The following RABGAP1L variants were observed in gnomAD, a reference collection of about 807,000 sequenced individuals.
The protein encoded by RABGAP1L is RAB GTPase activating protein 1 like.
Under a neutral mutation model 137.7 loss-of-function variants are expected in RABGAP1L, and 63 were observed. The observed-to-expected ratio is 0.46, with a 90% CI of 0.37 to 0.56. RABGAP1L has a LOEUF of 0.56. Ranked by LOEUF, RABGAP1L falls within the 20% of genes least tolerant of loss-of-function variation. The probability of loss-of-function intolerance (pLI) is 0.00; values close to 1 mark genes in which losing one functional copy is unlikely to be tolerated. For synonymous variants in RABGAP1L, 431 were observed against 433.7 expected (o/e 0.99, Z 0.08); for missense variants, 1,095 against 1,244.0 (o/e 0.88, Z 1.80).
At chr1:174,792,860 C>T (rs772092094) in intron 18 of RABGAP1L, among the ~76,000 whole-genome samples, 2 of 152,114 alleles carry the variant, frequency 1.3e-5, no homozygotes, top group African/African-American at 2.4e-5. Context: ...CAGGCCAGTG[C>T]GGTGGCTCAC....
At chr1:174,781,683 G>A (rs1687020612) in intron 18 of RABGAP1L, among the ~76,000 whole-genome samples, 1 of 152,052 alleles carries the variant, frequency 6.6e-6, no homozygotes, top group Non-Finnish European at 1.5e-5. Flanking sequence ...TTTCTTCTAT[G>A]GTTTTTATGG....
intron 12 of RABGAP1L, among the ~76,000 whole-genome samples, chr1:174,390,223 C>T (rs187703917): frequency 5.2e-4 from 79 of 152,106 alleles, no homozygotes; most frequent in African/African-American, 1.7e-3. Flanking sequence ...ATGAGTGACC[C>T]AGTTCTTTTT....
intron 11 of RABGAP1L, among the ~76,000 whole-genome samples, chr1:174,356,032 G>T (rs1256721467): frequency 6.6e-6 from 1 of 152,154 alleles, no homozygotes; most frequent in Non-Finnish European, 1.5e-5. Context: ...AGAAACGAGA[G>T]ATTATATTGC....
At chr1:174,458,510 A>G (rs545571159) in intron 13 of RABGAP1L, among the ~76,000 whole-genome samples, 3 of 152,174 alleles carry the variant, frequency 2.0e-5, no homozygotes, top group Non-Finnish European at 2.9e-5. Context: ...TTTCTAGCAT[A>G]TGAATAAAAA....
chr1:174,976,139 A>T lies in RABGAP1L; in HGVS notation c.2606A>T (p.Glu869Val). Residue 869 changes from glutamate (E) to valine (V), a missense_variant, in exon 22 of 26, where the codon GAG (glutamate) becomes GTG (valine). Glu to Val is a moderately radical substitution (Grantham distance 121). Around this residue, in one of 4 missense-constraint regions of RABGAP1L, gnomAD observed 312 missense variants for 435.6 expected, o/e 0.72. Transcript: ENST00000681986. ...ELLLTKQRLV[E>V]TEEEKRKQEE... ...CTTTTGACCAAACAGAGGCTGGTGG[A>T]GACTGAAGAGGAGAAGAGGAAGCAA... 6.4e-7 allele frequency: 1 copy of T among 1,551,080 alleles called. No homozygotes were observed. Among genetic ancestry groups the T allele is most frequent in the Non-Finnish European group, 8.7e-7 (1 of 1,147,094 alleles).
At chr1:174,204,237 C>T (rs1558029805) in intron 1 of RABGAP1L, among the ~76,000 whole-genome samples, 2 of 152,176 alleles carry the variant, frequency 1.3e-5, no homozygotes, top group Non-Finnish European at 1.5e-5. Flanking sequence ...ACGTGTGAGC[C>T]ACTGTGCCTG....
At chr1:174,880,455 TAGAG>T (rs200240591) in intron 19 of RABGAP1L, among the ~76,000 whole-genome samples, 3,697 of 151,258 alleles carry the variant, frequency 0.024, 64 homozygotes, top group Middle Eastern at 0.085. Flanking sequence ...GTAGGCAACA[TAGAG>T]AGACCTCATC....
intron 11 of RABGAP1L, among the ~76,000 whole-genome samples, chr1:174,335,637 C>T (rs1229110816): frequency 2.0e-5 from 3 of 152,190 alleles, no homozygotes; most frequent in African/African-American, 7.2e-5. Context: ...CTTGGTTTTG[C>T]TTCATCTGAA....
intron 13 of RABGAP1L, among the ~76,000 whole-genome samples, chr1:174,441,608 C>T (rs771498663): frequency 6.6e-6 from 1 of 152,058 alleles, no homozygotes; most frequent in Non-Finnish European, 1.5e-5. Flanking sequence ...GTGGTGCATG[C>T]CTGTAATCCC....
intron 18 of RABGAP1L, among the ~76,000 whole-genome samples, chr1:174,770,419 A>C (rs1468247161): frequency 1.3e-5 from 2 of 152,218 alleles, no homozygotes; most frequent in African/African-American, 4.8e-5. Context: ...TCACAGTACC[A>C]TGCACATATT....
At chr1:174,233,200 T>G (rs1670833747) in intron 4 of RABGAP1L, among the ~76,000 whole-genome samples, 1 of 152,182 alleles carries the variant, frequency 6.6e-6, no homozygotes. Flanking sequence ...CTTCTCTCTC[T>G]TCATTCATCA....
chr1:174,365,747 T>A lies in RABGAP1L; in HGVS notation c.1466-5232T>A, dbSNP rs551315080. 2.2e-4 allele frequency among the ~76,000 whole-genome samples: 34 copies of A among 152,328 alleles called. No homozygotes were observed. The South Asian group carries it at 6.8e-3, about 31-fold the overall frequency. Reference sequence around the variant, plus strand: ...GTGGTATCAGCAACTCATGACTGTCTCTCCATCCTTCCTCAATGCCTCTTT... The same window carrying A: ...GTGGTATCAGCAACTCATGACTGTCACTCCATCCTTCCTCAATGCCTCTTT... On this transcript the variant is annotated intron_variant, in intron 11 of 25. Coordinates refer to ENST00000681986, the MANE Select transcript of RABGAP1L (RefSeq NM_001366446.1).
intron 14 of RABGAP1L, among the ~76,000 whole-genome samples, chr1:174,666,311 C>A (rs1676781119): frequency 1.3e-5 from 2 of 152,158 alleles, no homozygotes; most frequent in Non-Finnish European, 2.9e-5. Flanking sequence ...TAATAAATGG[C>A]AAATTGCTAT....
At chr1:174,763,313 C>G (rs4359076) in intron 18 of RABGAP1L, among the ~76,000 whole-genome samples, 93,958 of 149,788 alleles carry the variant, frequency 0.63, 32,680 homozygotes, top group East Asian at 0.93. Context: ...GTCAGGAGAT[C>G]GAGACCATCC....
chr1:174,752,569 A>G (rs1238473233), intron 18 of RABGAP1L, among the ~76,000 whole-genome samples: 4 of 151,918 alleles, frequency 2.6e-5, no homozygotes, highest in African/African-American at 9.7e-5. Flanking sequence ...CATTTATTTA[A>G]TGGTACTATC....
chr1:174,937,637 T>TATATATATATATATATATATATATA (rs1302676014), intron 19 of RABGAP1L, among the ~76,000 whole-genome samples: 5 of 138,512 alleles, frequency 3.6e-5, no homozygotes, highest in African/African-American at 9.0e-5. Flanking sequence ...TATATATATC[T>TATATATATATATATATATATATATA]TGCAGTTAGA....
intron 13 of RABGAP1L, among the ~76,000 whole-genome samples, chr1:174,551,970 T>C (rs1666575844): frequency 6.6e-6 from 1 of 152,076 alleles, no homozygotes; most frequent in Non-Finnish European, 1.5e-5. Context: ...ACTACCAAAA[T>C]TCAACCAAGG....
chr1:174,555,531 TC>T (rs528979337), intron 13 of RABGAP1L, among the ~76,000 whole-genome samples: 291 of 147,192 alleles, frequency 2.0e-3, no homozygotes, highest in African/African-American at 3.9e-3. Flanking sequence ...AAAATGTATG[TC>T]CCCCCCCCAA....
chr1:174,524,695 T>C (rs891813004), intron 13 of RABGAP1L, among the ~76,000 whole-genome samples: 1 of 144,082 alleles, frequency 6.9e-6, no homozygotes, highest in African/African-American at 2.7e-5. Context: ...GCTTTTAAGG[T>C]CTTAGCTGTA....
Sources: allele counts gnomAD v4.1 joint callset (sites outside exome capture counted in the v4.1 genomes callset), GRCh38; gene constraint gnomAD v4.1.1; regional missense constraint gnomAD v4.1.1; transcripts MANE v1.5; gene names NCBI Gene and HGNC (gene_info 2026-07-23, HGNC 2026-07-21).